Variants in UBE2W observed in about 807,000 individuals in gnomAD.
The protein encoded by UBE2W is ubiquitin conjugating enzyme E2 W, also known as ubiquitin-conjugating enzyme E2 W.
In UBE2W, 18 loss-of-function variants were observed where a neutral mutation model predicts 27.2. That is an observed-to-expected ratio of 0.66 (90% CI 0.46 to 0.98). The LOEUF is 0.98. Ranked by LOEUF, UBE2W falls within the 50% of genes least tolerant of loss-of-function variation. The pLI, the probability that UBE2W is intolerant of heterozygous loss-of-function variation, is 0.00. For missense variants in UBE2W, 90 were observed against 180.2 expected (o/e 0.50, Z 2.87); for synonymous variants, 53 against 57.2 (o/e 0.93, Z 0.33).
downstream of UBE2W, among the ~76,000 whole-genome samples, chr8:73,784,733 T>C (rs1035379048): frequency 2.6e-4 from 39 of 152,064 alleles, no homozygotes; most frequent in African/African-American, 8.9e-4. Flanking sequence ...TACTATGAAG[T>C]AGACCTACTG....
chr8:73,832,610 T>C (rs1040143164), intron 1 of UBE2W, among the ~76,000 whole-genome samples: 1 of 152,250 alleles, frequency 6.6e-6, no homozygotes, highest in Non-Finnish European at 1.5e-5. Context: ...CAAGACATCA[T>C]AGCTACTATA....
At chr8:73,875,381 C>T (rs554072494) in intron 1 of UBE2W, among the ~76,000 whole-genome samples, 2 of 152,192 alleles carry the variant, frequency 1.3e-5, no homozygotes, top group East Asian at 1.9e-4. Flanking sequence ...GTGGGCAGAA[C>T]CTAAAAGATG....
chr8:73,814,570 G>A (rs1439536609), intron 3 of UBE2W, among the ~76,000 whole-genome samples: 1 of 152,142 alleles, frequency 6.6e-6, no homozygotes, highest in African/African-American at 2.4e-5. Flanking sequence ...CCAGGCTGGA[G>A]TGCAATGGCC....
intron 1 of UBE2W, among the ~76,000 whole-genome samples, chr8:73,872,833 T>C (rs1261679319): frequency 6.6e-6 from 1 of 152,166 alleles, no homozygotes; most frequent in Non-Finnish European, 1.5e-5. Flanking sequence ...CTCATGTGTA[T>C]ACTTGTGTAC....
In UBE2W at chr8:73,790,499, TACAC is replaced by T. The variant is rs1219282093; in HGVS notation, c.*3599_*3602del. The T allele has an allele frequency of 1.0e-6, 1 of 984,330 alleles. No individual in the cohort carries two copies. The highest frequency in any genetic ancestry group is 1.7e-5 in the African/African-American group (1 of 57,210). 61.0% of individuals were successfully genotyped at this position (984,330 alleles called of 1,614,324 possible). On this transcript the variant is annotated 3_prime_UTR_variant, in exon 6 of 6. Transcript: ENST00000602593. ...AGTTCTTTTTGAAAAGCAATTTACA[TACAC>T]AATTACAAATAATTGTAAATTTTAA... is the stretch of plus-strand genomic sequence containing the variant.
chr8:73,866,400 A>G (rs1208925096), intron 1 of UBE2W, among the ~76,000 whole-genome samples: 1 of 148,364 alleles, frequency 6.7e-6, no homozygotes, highest in Middle Eastern at 3.4e-3. Flanking sequence ...ACAGCTCTCC[A>G]CTCACCCAGA....
At position 73,792,312 on chromosome 8, in the gene UBE2W, AAC is replaced by A. The variant is rs1294817435; in HGVS notation, c.*1788_*1789del. ...GGTAATTGTTAACTAGCAGTATATA[AAC>A]AGTGTCCACAATTTGGTGGCTGGCC... On this transcript the variant is annotated 3_prime_UTR_variant, in exon 6 of 6. Coordinates refer to ENST00000602593, the MANE Select transcript of UBE2W (RefSeq NM_018299.6). 1.0e-6 allele frequency: 1 copy of A among 985,298 alleles called. No homozygotes were observed. Among genetic ancestry groups the A allele is most frequent in the Non-Finnish European group, 1.2e-6 (1 of 829,776 alleles). 61.0% of individuals were successfully genotyped at this position (985,298 alleles called of 1,614,324 possible).
chr8:73,782,182 C>G (rs991348563), downstream of UBE2W, among the ~76,000 whole-genome samples: 10 of 151,764 alleles, frequency 6.6e-5, no homozygotes, highest in Non-Finnish European at 1.0e-4. Flanking sequence ...CTCTTGACCT[C>G]GTGATCTGCC....
In UBE2W at chr8:73,791,258, T is replaced by C. The variant is rs1808178496; in HGVS notation, c.*2844A>G. The C allele has an allele frequency of 1.0e-6, 1 of 979,334 alleles. No homozygotes were observed. Among genetic ancestry groups the C allele is most frequent in the Non-Finnish European group, 1.2e-6 (1 of 829,306 alleles). The allele number at this position is 979,334 out of a possible 1,614,324, so 60.7% of individuals were successfully genotyped here. On this transcript the variant is annotated 3_prime_UTR_variant, in exon 6 of 6. Transcript: ENST00000602593. ...CTAAACCTATGGCATTAATCCCTAC[T>C]TGACCAAAGAAAAAAAAAAAAAAGA...
chr8:73,834,966 T>C (rs1810245904), intron 1 of UBE2W, among the ~76,000 whole-genome samples: 1 of 152,034 alleles, frequency 6.6e-6, no homozygotes, highest in South Asian at 2.1e-4. Flanking sequence ...TTTCCAAAGA[T>C]AATAGAACCC....
chr8:73,853,040 G>A (rs900727034), intron 1 of UBE2W, among the ~76,000 whole-genome samples: 10 of 152,126 alleles, frequency 6.6e-5, no homozygotes, highest in African/African-American at 1.9e-4. Context: ...GAGCCTTTGC[G>A]AGGTAACTAG....
At chr8:73,828,524 T>C (rs1306687052) in intron 2 of UBE2W, among the ~76,000 whole-genome samples, 1 of 152,198 alleles carries the variant, frequency 6.6e-6, no homozygotes, top group Non-Finnish European at 1.5e-5. Context: ...TAAGTCTTTT[T>C]CTAGATCTGT....
At chr8:73,813,838 C>T (rs896678688) in intron 3 of UBE2W, among the ~76,000 whole-genome samples, 7 of 151,898 alleles carry the variant, frequency 4.6e-5, no homozygotes, top group Non-Finnish European at 7.4e-5. Context: ...CTGCAATCCC[C>T]GCCTCCCAGG....
intron 1 of UBE2W, among the ~76,000 whole-genome samples, chr8:73,844,030 C>G (rs1375713738): frequency 6.6e-6 from 1 of 152,126 alleles, no homozygotes; most frequent in Non-Finnish European, 1.5e-5. Context: ...CTGAGAATCT[C>G]CCAGAATTGT....
intron 4 of UBE2W, among the ~76,000 whole-genome samples, chr8:73,808,407 C>G (rs1190946598): frequency 6.6e-6 from 1 of 151,964 alleles, no homozygotes; most frequent in East Asian, 1.9e-4. Flanking sequence ...GCTAATTTTT[C>G]TATTTTTAGT....
At chr8:73,854,151 A>AAAAG (rs749071996) in intron 1 of UBE2W, among the ~76,000 whole-genome samples, 8 of 152,202 alleles carry the variant, frequency 5.3e-5, no homozygotes, top group South Asian at 2.1e-4. Context: ...TCCGTCTCAA[A>AAAAG]AAAGAAAGAA....
Position 73,786,398 on chromosome 8 carries a change from C to A in UBE2W, c.*7704G>T. 1 of 985,344 alleles carries A rather than the reference C, an allele frequency of 1.0e-6. No individual in the cohort carries two copies. Among genetic ancestry groups the A allele is most frequent in the Non-Finnish European group, 1.2e-6 (1 of 829,840 alleles). The allele number at this position is 985,344 out of a possible 1,614,324, so 61.0% of individuals were successfully genotyped here. A position where few individuals can be genotyped will look rare whatever the true frequency, so the allele number is the denominator to read the frequency against. The stretch of plus-strand genomic sequence containing the variant: ...AAATACAAGCATAACCAAGTTAATT[C>A]AATACACACTTATTAAATGCCTATG... On this transcript the variant is annotated 3_prime_UTR_variant, in exon 6 of 6. Coordinates refer to ENST00000602593, the MANE Select transcript of UBE2W (RefSeq NM_018299.6).
At chr8:73,820,191 C>T (rs974042539) in intron 3 of UBE2W, among the ~76,000 whole-genome samples, 1 of 152,150 alleles carries the variant, frequency 6.6e-6, no homozygotes, top group Admixed American at 6.5e-5. Context: ...CCCTAGAGGA[C>T]TGGTTCTAGC....
At chr8:73,796,668 G>A in intron 5 of UBE2W, 3 of 984,882 alleles carry the variant, frequency 3.0e-6, no homozygotes, top group Non-Finnish European at 3.6e-6. Context: ...ACAGGGACTT[G>A]CGGGACTACG....
Sources: gnomAD v4.1 joint callset for allele counts (sites outside exome capture counted in the v4.1 genomes callset) on GRCh38, gnomAD v4.1.1 for gene constraint, MANE v1.5 for transcripts, NCBI Gene and HGNC (gene_info 2026-07-23, HGNC 2026-07-21) for gene names.